Variants in LIMS1 observed in about 807,000 individuals in gnomAD.
LIMS1 encodes LIM zinc finger domain containing 1, also known as LIM and senescent cell antigen-like-containing domain protein 1.
LIMS1 carries 18 observed loss-of-function variants against 44.1 expected under a neutral mutation model. The ratio of observed to expected loss-of-function variants is 0.41; its 90% CI spans 0.28 to 0.61. The LOEUF is 0.61. Among genes scored for constraint, LIMS1 ranks in the 20% least tolerant of loss-of-function variants. LIMS1 has a pLI of 0.32. For synonymous variants in LIMS1, 93 were observed against 149.1 expected (o/e 0.62, Z 2.74); for missense variants, 201 against 422.0 (o/e 0.48, Z 4.59).
chr2:108,556,576 A>G (rs1684929558), intron 1 of LIMS1, among the ~76,000 whole-genome samples: 1 of 152,214 alleles, frequency 6.6e-6, no homozygotes, highest in Admixed American at 6.5e-5. Flanking sequence ...ATTTTCAGAC[A>G]TAGATTGGAA....
At position 108,672,962 on chromosome 2, in the gene LIMS1, G is replaced by A. The variant is rs777285065; in HGVS notation, c.463G>A (p.Asp155Asn). ...CTGCCAGAAATGCCATGCTATCATC[G>A]ATGAGCAGCCTCTGATATTCAAGAA... Residue 155 changes from aspartate (D) to asparagine (N), a missense_variant, in exon 5 of 10, where the codon GAT (aspartate) becomes AAT (asparagine). By Grantham distance (23) the Asp-to-Asn change is conservative. This residue lies in a region of LIMS1 where 101 missense variants were observed against 215.2 expected (regional missense o/e 0.47). Coordinates refer to ENST00000544547, the Ensembl canonical transcript of LIMS1. 70 of 1,157,406 alleles carry A rather than the reference G, an allele frequency of 6.0e-5. No individual in the cohort carries two copies. The highest frequency in any genetic ancestry group is 3.1e-4 in the South Asian group (21 of 68,294). The allele number at this position is 1,157,406 out of a possible 1,614,324, so 71.7% of individuals were successfully genotyped here. A position where few individuals can be genotyped will look rare whatever the true frequency, so the allele number is the denominator to read the frequency against.
chr2:108,549,442 G>A (rs1046740843), intron 1 of LIMS1, among the ~76,000 whole-genome samples: 2 of 151,594 alleles, frequency 1.3e-5, no homozygotes, highest in Non-Finnish European at 2.9e-5. Context: ...CTACAGGCGT[G>A]TACCACCATG....
intron 1 of LIMS1, among the ~76,000 whole-genome samples, chr2:108,536,473 T>C (rs13394465): frequency 0.36 from 55,121 of 152,152 alleles, 11,865 homozygotes; most frequent in East Asian, 0.88. Flanking sequence ...TCAGTAGTGC[T>C]CCATGGTATG....
At chr2:108,570,195 C>T (rs1685436854) in intron 1 of LIMS1, among the ~76,000 whole-genome samples, 1 of 152,078 alleles carries the variant, frequency 6.6e-6, no homozygotes, top group South Asian at 2.1e-4. Context: ...CTTTGGGAGG[C>T]CAAGGCGGAC....
chr2:108,681,875 A>G (rs1321784028), intron 9 of LIMS1, among the ~76,000 whole-genome samples: 2 of 151,274 alleles, frequency 1.3e-5, no homozygotes, highest in Non-Finnish European at 2.9e-5. Context: ...TGGGCGACAG[A>G]GTGAGACTCT....
At chr2:108,578,938 A>T (rs551472728) in intron 1 of LIMS1, among the ~76,000 whole-genome samples, 1 of 152,192 alleles carries the variant, frequency 6.6e-6, no homozygotes, top group East Asian at 1.9e-4. Flanking sequence ...AAGAAAAATG[A>T]TGATGTAGGG....
chr2:108,584,640 G>C (rs954568091), intron 1 of LIMS1, among the ~76,000 whole-genome samples: 2 of 152,136 alleles, frequency 1.3e-5, no homozygotes, highest in Non-Finnish European at 2.9e-5. Flanking sequence ...CTGAGGAGGA[G>C]TGCGGGATCC....
At chr2:108,675,725 T>G (rs1046483398) in intron 5 of LIMS1, among the ~76,000 whole-genome samples, 153 bp from the exon 6 acceptor site, 1 of 152,186 alleles carries the variant, frequency 6.6e-6, no homozygotes, top group Non-Finnish European at 1.5e-5. Flanking sequence ...GCCTATTAAT[T>G]CAGGTTATTC....
chr2:108,679,557 A>T (rs1224892745), intron 8 of LIMS1, among the ~76,000 whole-genome samples: 1 of 152,166 alleles, frequency 6.6e-6, no homozygotes, highest in Non-Finnish European at 1.5e-5. Context: ...TGAGCGTCTG[A>T]GATTTTGGTA....
intron 1 of LIMS1, among the ~76,000 whole-genome samples, chr2:108,579,422 T>C (rs1177412856): frequency 6.6e-6 from 1 of 152,194 alleles, no homozygotes; most frequent in African/African-American, 2.4e-5. Context: ...TTTTCAGTGA[T>C]GTTAAATGTG....
At chr2:108,570,636 C>A (rs1573347168) in intron 1 of LIMS1, among the ~76,000 whole-genome samples, 1 of 152,166 alleles carries the variant, frequency 6.6e-6, no homozygotes, top group African/African-American at 2.4e-5. Context: ...CTCCTGTATA[C>A]TGTGATGGCC....
chr2:108,614,109 G>A (rs182026014), intron 1 of LIMS1, among the ~76,000 whole-genome samples: 2 of 152,282 alleles, frequency 1.3e-5, no homozygotes, highest in African/African-American at 4.8e-5. Context: ...GCACCCTTCT[G>A]TGTTGTTTCT....
intron 1 of LIMS1, among the ~76,000 whole-genome samples, chr2:108,610,245 T>C (rs1687529049): frequency 6.6e-6 from 1 of 151,930 alleles, no homozygotes; most frequent in Admixed American, 6.6e-5. Flanking sequence ...AGATGGGGTC[T>C]CACTATGTTG....
intron 1 of LIMS1, among the ~76,000 whole-genome samples, chr2:108,644,530 A>T (rs926046093): frequency 1.3e-5 from 2 of 152,154 alleles, no homozygotes; most frequent in African/African-American, 4.8e-5. Context: ...TAAATCCACG[A>T]AGATGGGGAG....
At chr2:108,546,274 T>TTTTTC (rs912586554) in intron 1 of LIMS1, among the ~76,000 whole-genome samples, 1 of 144,886 alleles carries the variant, frequency 6.9e-6, no homozygotes, top group Non-Finnish European at 1.5e-5. Flanking sequence ...ACCGCCTTTT[T>TTTTTC]TTTTTTTTTT....
At chr2:108,565,773 G>A (rs1339526493) in intron 1 of LIMS1, among the ~76,000 whole-genome samples, 2 of 152,114 alleles carry the variant, frequency 1.3e-5, no homozygotes, top group African/African-American at 4.8e-5. Context: ...CTAAATGAAG[G>A]CACCAGCAGG....
At chr2:108,658,772 G>T (rs1247356400) in intron 1 of LIMS1, among the ~76,000 whole-genome samples, 1 of 152,308 alleles carries the variant, frequency 6.6e-6, no homozygotes, top group Non-Finnish European at 1.5e-5. Context: ...ACAACCTGGT[G>T]TCACTTTCCT....
chr2:108,639,042 CAA>C (rs1055709082), intron 1 of LIMS1, among the ~76,000 whole-genome samples: 1 of 138,090 alleles, frequency 7.2e-6, no homozygotes, highest in Non-Finnish European at 1.6e-5. Flanking sequence ...GACTCCGTCT[CAA>C]AAAAAAAAAA....
exon 10 of LIMS1, chr2:108,684,188 T>C (rs552723015): frequency 2.8e-6 from 1 of 351,672 alleles, no homozygotes; most frequent in East Asian, 5.3e-5. Context: ...ATGAAGTCAG[T>C]ATTTGCCTTT....
Sources: allele counts gnomAD v4.1 joint callset (sites outside exome capture counted in the v4.1 genomes callset), GRCh38; gene constraint gnomAD v4.1.1; regional missense constraint gnomAD v4.1.1; transcripts MANE v1.5; gene names NCBI Gene and HGNC (gene_info 2026-07-23, HGNC 2026-07-21).